Variants in PPHLN1 observed in about 807,000 individuals in gnomAD.
The protein encoded by PPHLN1 is periphilin-1.
A neutral mutation model predicts 51.3 loss-of-function variants in PPHLN1; 29 were observed. The observed-to-expected ratio is 0.57, with a 90% CI of 0.42 to 0.77. PPHLN1 has a LOEUF of 0.77. PPHLN1 is among the 30% of genes least tolerant of loss of function. PPHLN1 has a pLI of 0.00. For synonymous variants in PPHLN1, 147 were observed against 147.8 expected, an observed-to-expected ratio of 0.99 and a Z score of 0.04; for missense variants, 436 against 438.4, an observed-to-expected ratio of 0.99 and a Z score of 0.05.
At chr12:42,355,988 C>CA (rs2074010019) in intron 4 of PPHLN1, among the ~76,000 whole-genome samples, 1 of 146,272 alleles carries the variant, frequency 6.8e-6, no homozygotes, top group Non-Finnish European at 1.5e-5. Flanking sequence ...GCAAGGGCCT[C>CA]AATCGTTGGC....
intron 9 of PPHLN1, among the ~76,000 whole-genome samples, chr12:42,424,712 C>T (rs117423705): frequency 0.016 from 2,364 of 152,162 alleles, 36 homozygotes; most frequent in Middle Eastern, 0.041. Context: ...TACCCCCACT[C>T]GCTTCAGCCA....
chr12:42,413,526 A>ATGTATATGTG (rs1555214718), intron 9 of PPHLN1, among the ~76,000 whole-genome samples: 2 of 136,518 alleles, frequency 1.5e-5, no homozygotes, highest in African/African-American at 5.7e-5. Context: ...ATATATGTAT[A>ATGTATATGTG]TGTGTGTGTG....
chr12:42,445,968 C>T (rs1449522221), downstream of PPHLN1: 3 of 1,497,398 alleles, frequency 2.0e-6, no homozygotes, highest in South Asian at 2.7e-5. Flanking sequence ...TTCACATCCC[C>T]TCAGGCCCTC....
At chr12:42,378,223 A>G (rs2076470946) in intron 5 of PPHLN1, among the ~76,000 whole-genome samples, 2 of 151,934 alleles carry the variant, frequency 1.3e-5, no homozygotes, top group Non-Finnish European at 2.9e-5. Flanking sequence ...TCCATTTTCA[A>G]GTATTCCTTA....
downstream of PPHLN1, chr12:42,446,132 C>CAGCTTCGTCGGACGACAG: frequency 3.2e-6 from 5 of 1,576,550 alleles, no homozygotes; most frequent in Non-Finnish European, 4.3e-6. Context: ...TCGGACGACA[C>CAGCTTCGTCGGACGACAG]AGCTTCGTCG....
intron 9 of PPHLN1, among the ~76,000 whole-genome samples, chr12:42,426,228 A>ACACACACACACACACC (rs371819974): frequency 3.1e-5 from 4 of 129,788 alleles, no homozygotes; most frequent in Admixed American, 1.5e-4. Context: ...ACACACACAC[A>ACACACACACACACACC]CCCTCATGCA....
Position 42,340,137 on chromosome 12 carries a change from T to C in PPHLN1, c.72+4163T>C, listed in dbSNP as rs1314673846. Among the ~76,000 whole-genome samples, 3 of 151,962 alleles carry C rather than the reference T, an allele frequency of 2.0e-5. No individual in the cohort carries two copies. The East Asian group carries it at 5.8e-4, about 29-fold the overall frequency. ...GCCTGGGCAACAATGTGAGACCCTG[T>C]CTCTACAAAAAATTTTAAAAATTAG... On this transcript the variant is annotated intron_variant, in intron 2 of 9. Coordinates refer to ENST00000358314, the MANE Select transcript of PPHLN1 (RefSeq NM_201439.2).
At chr12:42,391,295 A>G (rs921864238) in intron 7 of PPHLN1, among the ~76,000 whole-genome samples, 1 of 152,096 alleles carries the variant, frequency 6.6e-6, no homozygotes, top group African/African-American at 2.4e-5. Flanking sequence ...CTGGAGTGCA[A>G]TGGCATAATC....
intron 9 of PPHLN1, among the ~76,000 whole-genome samples, chr12:42,439,984 A>T (rs1015703493): frequency 6.6e-6 from 1 of 151,878 alleles, no homozygotes; most frequent in Admixed American, 6.6e-5. Flanking sequence ...GACTATATTG[A>T]AATTTATGTA....
intron 4 of PPHLN1, among the ~76,000 whole-genome samples, chr12:42,365,273 C>A (rs1019432087): frequency 6.6e-6 from 1 of 152,138 alleles, no homozygotes; most frequent in Non-Finnish European, 1.5e-5. Context: ...TTCTTGAAAT[C>A]GTAATTCTTT....
intron 9 of PPHLN1, among the ~76,000 whole-genome samples, chr12:42,438,425 TGTGTA>T (rs1212905546): frequency 1.3e-5 from 2 of 152,244 alleles, no homozygotes; most frequent in Non-Finnish European, 2.9e-5. Flanking sequence ...TTCTAATAGA[TGTGTA>T]GTGGTATCTC....
At chr12:42,386,212 G>A (rs939099083) in intron 6 of PPHLN1, among the ~76,000 whole-genome samples, 3 of 152,200 alleles carry the variant, frequency 2.0e-5, no homozygotes, top group East Asian at 3.9e-4. Flanking sequence ...ACATTTGCCA[G>A]CATCCCTGTC....
chr12:42,432,214 G>C (rs2082098978), intron 9 of PPHLN1: 1 of 797,318 alleles, frequency 1.3e-6, no homozygotes, highest in Non-Finnish European at 2.3e-6. Context: ...TTTCAGAGGG[G>C]TTAGACAGCT....
chr12:42,350,675 A>G (rs1452284854), intron 2 of PPHLN1, among the ~76,000 whole-genome samples: 1 of 152,178 alleles, frequency 6.6e-6, no homozygotes, highest in Non-Finnish European at 1.5e-5. Context: ...CCTGGGCAAC[A>G]TTGAGCATTG....
At chr12:42,434,699 T>C (rs1467005030) in intron 9 of PPHLN1, among the ~76,000 whole-genome samples, 6 of 152,212 alleles carry the variant, frequency 3.9e-5, no homozygotes, top group Non-Finnish European at 8.8e-5. Flanking sequence ...TTTTTGTTTT[T>C]GTTTTGTTTT....
chr12:42,373,580 G>A (rs1406644822), intron 4 of PPHLN1, among the ~76,000 whole-genome samples: 3 of 152,158 alleles, frequency 2.0e-5, no homozygotes, highest in Non-Finnish European at 4.4e-5. Flanking sequence ...CTGAAATTTA[G>A]TATTCTTTAA....
Position 42,352,080 on chromosome 12 carries a change from T to G in PPHLN1, c.237+31T>G, listed in dbSNP as rs565374481. ...TAAATTTCCCCCATGTACTAATTGT[T>G]ATTTCTTATAAGTTTAAAATTAATG... is the stretch of plus-strand genomic sequence containing the variant. On this transcript the variant is annotated intron_variant, in intron 3 of 9. Transcript: ENST00000358314. The G allele has an allele frequency of 1.3e-5, 18 of 1,387,374 alleles. No individual in the cohort carries two copies. In the African/African-American group the frequency reaches 2.4e-4, roughly 18 times the overall value. 85.9% of individuals were successfully genotyped at this position (1,387,374 alleles called of 1,614,324 possible).
At chr12:42,386,358 G>C (rs1306185216) in intron 6 of PPHLN1, among the ~76,000 whole-genome samples, 1 of 152,176 alleles carries the variant, frequency 6.6e-6, no homozygotes, top group Non-Finnish European at 1.5e-5. Flanking sequence ...AAAGTGTTTT[G>C]GGTCTGTAGG....
chr12:42,430,295 A>C (rs769600786), intron 9 of PPHLN1, among the ~76,000 whole-genome samples: 20 of 151,474 alleles, frequency 1.3e-4, no homozygotes, highest in Admixed American at 4.6e-4. Flanking sequence ...ACACACACAC[A>C]CCCTTACAGT....
Sources: allele counts gnomAD v4.1 joint callset (sites outside exome capture counted in the v4.1 genomes callset), GRCh38; gene constraint gnomAD v4.1.1; transcripts MANE v1.5; gene names NCBI Gene and HGNC (gene_info 2026-07-23, HGNC 2026-07-21).